PARM1: variants seen among roughly 807,000 people sequenced by gnomAD.
PARM1 encodes the protein prostate androgen-regulated mucin-like protein 1.
A neutral mutation model predicts 24.6 loss-of-function variants in PARM1; 14 were observed. The observed-to-expected ratio is 0.57, with a 90% CI of 0.38 to 0.89. PARM1 has a LOEUF of 0.89. PARM1 is among the 40% of genes least tolerant of loss of function. The pLI, the probability that PARM1 is intolerant of heterozygous loss-of-function variation, is 0.00. For synonymous variants in PARM1, 179 were observed against 156.6 expected (o/e 1.14, Z -1.07); for missense variants, 362 against 380.4 (o/e 0.95, Z 0.40).
In PARM1 at chr4:75,047,775, A is replaced by G. The variant is rs1379437176; in HGVS notation, c.*1528A>G. 2 of 152,246 alleles carry G rather than the reference A, an allele frequency of 1.3e-5. No individual in the cohort carries two copies. Among genetic ancestry groups the G allele is most frequent in the East Asian group, 3.8e-4 (2 of 5,200 alleles). The allele number at this position is 152,246 out of a possible 1,614,324, so 9.4% of individuals were successfully genotyped here. A position where few individuals can be genotyped will look rare whatever the true frequency, so the allele number is the denominator to read the frequency against. ...AGTGATACGTTTTATTTTTAACAAA[A>G]TGAAATGATGTGTTAAGTTTTTATT... is the stretch of plus-strand genomic sequence containing the variant. On this transcript the variant is annotated 3_prime_UTR_variant, in exon 4 of 4. Transcript: ENST00000307428.
intron 1 of PARM1, among the ~76,000 whole-genome samples, chr4:75,007,028 G>GA (rs1722785887): frequency 2.6e-5 from 4 of 152,218 alleles, no homozygotes; most frequent in East Asian, 3.9e-4. Context: ...AAATTTACAA[G>GA]AAAAAATCAA....
intron 2 of PARM1, among the ~76,000 whole-genome samples, chr4:75,018,111 G>A (rs1016630135): frequency 5.3e-5 from 8 of 152,172 alleles, no homozygotes; most frequent in African/African-American, 1.9e-4. Flanking sequence ...CTTCTACTAT[G>A]AGCCAGGCAT....
chr4:75,027,914 TTAGTAC>T (rs1294209168), intron 2 of PARM1, among the ~76,000 whole-genome samples: 3 of 152,164 alleles, frequency 2.0e-5, no homozygotes, highest in Admixed American at 1.3e-4. Context: ...AGTTGAGGAT[TTAGTAC>T]TAGAGCCCAG....
chr4:75,031,796 T>G (rs1265512035), intron 2 of PARM1, among the ~76,000 whole-genome samples: 1 of 152,228 alleles, frequency 6.6e-6, no homozygotes, highest in Non-Finnish European at 1.5e-5. Flanking sequence ...AAAGGTCAGT[T>G]TTTTACACTG....
At chr4:74,980,533 C>T (rs1722228456) in intron 1 of PARM1, among the ~76,000 whole-genome samples, 2 of 152,208 alleles carry the variant, frequency 1.3e-5, no homozygotes, top group Non-Finnish European at 2.9e-5. Context: ...AATGACCATA[C>T]TGCCCAAAGT....
intron 3 of PARM1, among the ~76,000 whole-genome samples, chr4:75,042,756 A>G (rs1246653961): frequency 1.3e-5 from 2 of 152,050 alleles, no homozygotes; most frequent in South Asian, 2.1e-4. Flanking sequence ...TACTCTTACT[A>G]CAATAGTATC....
At chr4:74,953,428 A>G (rs1279717901) in intron 1 of PARM1, among the ~76,000 whole-genome samples, 1 of 152,238 alleles carries the variant, frequency 6.6e-6, no homozygotes, top group African/African-American at 2.4e-5. Context: ...CTGAGATAAA[A>G]AGTTACAAAG....
intron 1 of PARM1, among the ~76,000 whole-genome samples, chr4:74,972,374 G>A (rs77527850): frequency 6.6e-6 from 1 of 152,130 alleles, no homozygotes; most frequent in Admixed American, 6.5e-5. Flanking sequence ...TTTTGAAACC[G>A]CTTTCTGTTT....
chr4:74,934,996 C>CTTTTTTTTTTTTTTTTTTTTTTTT (rs11392364), intron 1 of PARM1, among the ~76,000 whole-genome samples: 2 of 116,554 alleles, frequency 1.7e-5, no homozygotes, highest in African/African-American at 3.4e-5. Context: ...GCTCTTTTTT[C>CTTTTTTTTTTTTTTTTTTTTTTTT]TTTTTTTTTT....
Position 75,012,621 on chromosome 4 carries a change from C to T in PARM1, c.240C>T (p.Asn80=), listed in dbSNP as rs1213388344. ...CCCCAACATCTCTGCTTCCTAAGAA[C>T]ATTTCCATAGAGTCCAGAGAAGAGG... ...ASAPTSLLPK[N]ISIESREEEI... Residue 80 remains asparagine, a synonymous_variant, in exon 2 of 4, where the codon AAC becomes AAT. Coordinates refer to ENST00000307428, the MANE Select transcript of PARM1 (RefSeq NM_015393.4). The T allele has an allele frequency of 6.2e-7, 1 of 1,613,980 alleles. No homozygotes were observed. The highest frequency in any genetic ancestry group is 8.5e-7 in the Non-Finnish European group (1 of 1,179,884).
chr4:75,029,972 A>C (rs1397913487), intron 2 of PARM1, among the ~76,000 whole-genome samples: 1 of 152,214 alleles, frequency 6.6e-6, no homozygotes, highest in Non-Finnish European at 1.5e-5. Flanking sequence ...TGTGGGCCAA[A>C]GATGGTGCCT....
rs578119418 is a variant in PARM1 at position 75,033,821 on chromosome 4, A to G, written c.770-62A>G. 2.6e-4 allele frequency: 370 copies of G among 1,399,852 alleles called. 5 individuals carry two copies. The South Asian group carries it at 4.5e-3, about 17-fold the overall frequency. 86.7% of individuals were successfully genotyped at this position (1,399,852 alleles called of 1,614,324 possible). Reference sequence around the variant, plus strand: ...GCAGAAGGTGGATACTACGCACGCCAAAGTCACATGATGCCCCGTATCCTC... The same window carrying G: ...GCAGAAGGTGGATACTACGCACGCCGAAGTCACATGATGCCCCGTATCCTC... On this transcript the variant is annotated intron_variant, in intron 2 of 3. Coordinates refer to ENST00000307428, the MANE Select transcript of PARM1 (RefSeq NM_015393.4).
At position 75,048,690 on chromosome 4, in the gene PARM1, G is replaced by T. The variant is rs182698702; in HGVS notation, c.*2443G>T. ...GGCATTTTTTTTTTCTTACCGAAAG[G>T]CTGCTATTGTGCAAGGGCACATAAT... On this transcript the variant is annotated 3_prime_UTR_variant, in exon 4 of 4. Transcript: ENST00000307428. 1.3e-5 allele frequency: 2 copies of T among 152,598 alleles called. No individual in the cohort carries two copies. The highest frequency in any genetic ancestry group is 1.3e-4 in the Admixed American group (2 of 15,294). The allele number at this position is 152,598 out of a possible 1,614,324, so 9.5% of individuals were successfully genotyped here. A position where few individuals can be genotyped will look rare whatever the true frequency, so the allele number is the denominator to read the frequency against.
chr4:74,971,813 C>T (rs1220784246), intron 1 of PARM1, among the ~76,000 whole-genome samples: 1 of 152,092 alleles, frequency 6.6e-6, no homozygotes, highest in African/African-American at 2.4e-5. Flanking sequence ...CAATCTTTTC[C>T]CAGCCTAGTC....
chr4:74,936,474 G>A (rs1721190655), intron 1 of PARM1, among the ~76,000 whole-genome samples: 1 of 122,882 alleles, frequency 8.1e-6, no homozygotes, highest in Admixed American at 8.2e-5. Flanking sequence ...TTTTTTTTGA[G>A]ATGGAGTCTC....
intron 2 of PARM1, among the ~76,000 whole-genome samples, chr4:75,023,684 A>G (rs1723127317): frequency 6.6e-6 from 1 of 152,222 alleles, no homozygotes; most frequent in Non-Finnish European, 1.5e-5. Flanking sequence ...TGAAATAATA[A>G]CAGTTTCAGA....
chr4:75,017,900 A>G (rs1432455891), intron 2 of PARM1, among the ~76,000 whole-genome samples: 2 of 152,244 alleles, frequency 1.3e-5, no homozygotes, highest in East Asian at 3.8e-4. Context: ...GATAGTATTC[A>G]CATAATGCGG....
At chr4:75,039,178 T>C (rs1172500791) in intron 3 of PARM1, among the ~76,000 whole-genome samples, 2 of 152,148 alleles carry the variant, frequency 1.3e-5, no homozygotes, top group Non-Finnish European at 2.9e-5. Context: ...TACTCAATTT[T>C]CTCCCTCAGT....
At chr4:75,031,202 A>G (rs1018415234) in intron 2 of PARM1, among the ~76,000 whole-genome samples, 1 of 152,206 alleles carries the variant, frequency 6.6e-6, no homozygotes, top group East Asian at 1.9e-4. Context: ...TCTTGTTCCC[A>G]TGGCTGGCAT....
Sources: gnomAD v4.1 joint callset for allele counts (sites outside exome capture counted in the v4.1 genomes callset) on GRCh38, gnomAD v4.1.1 for gene constraint, MANE v1.5 for transcripts, NCBI Gene and HGNC (gene_info 2026-07-23, HGNC 2026-07-21) for gene names.